The following DGKB variants were observed in gnomAD, a reference collection of about 807,000 sequenced individuals.
DGKB encodes 90 kDa diacylglycerol kinase.
A neutral mutation model predicts 114.3 loss-of-function variants in DGKB; 67 were observed. The observed-to-expected ratio is 0.59, with a 90% CI of 0.48 to 0.72. The LOEUF is 0.72. DGKB is among the 30% of genes least tolerant of loss of function. The pLI is 0.00. For synonymous variants in DGKB, 398 were observed against 323.1 expected, an observed-to-expected ratio of 1.23 and a Z score of -2.49; for missense variants, 907 against 975.2, an observed-to-expected ratio of 0.93 and a Z score of 0.93.
intron 2 of DGKB, among the ~76,000 whole-genome samples, chr7:14,781,191 AC>A (rs1839036251): frequency 6.6e-6 from 1 of 152,194 alleles, no homozygotes; most frequent in Non-Finnish European, 1.5e-5. Context: ...GGGCCGACTA[AC>A]TCACAGCCTT....
chr7:14,751,956 T>G (rs1723235), intron 4 of DGKB, among the ~76,000 whole-genome samples: 53,795 of 151,692 alleles, frequency 0.35, 13,162 homozygotes, highest in African/African-American at 0.69. Context: ...TGGAACACCT[T>G]TTATGTGCAA....
At chr7:14,807,138 T>C (rs1351437787) in intron 2 of DGKB, among the ~76,000 whole-genome samples, 2 of 152,164 alleles carry the variant, frequency 1.3e-5, no homozygotes, top group South Asian at 2.1e-4. Flanking sequence ...TATTTTTCAG[T>C]TAAGTCTATA....
chr7:14,172,078 TGGA>T (rs1781082734), intron 25 of DGKB, among the ~76,000 whole-genome samples: 1 of 152,162 alleles, frequency 6.6e-6, no homozygotes, highest in African/African-American at 2.4e-5. Context: ...GAAGCATTTA[TGGA>T]GGAGGGACAG....
chr7:14,280,573 T>A (rs930496937), intron 23 of DGKB, among the ~76,000 whole-genome samples: 11 of 149,264 alleles, frequency 7.4e-5, no homozygotes, highest in Non-Finnish European at 1.5e-4. Context: ...TTCACCAAAG[T>A]TGAAATGAAG....
intron 14 of DGKB, among the ~76,000 whole-genome samples, chr7:14,629,372 T>A (rs919054149): frequency 6.6e-5 from 10 of 151,568 alleles, no homozygotes; most frequent in African/African-American, 2.2e-4. Context: ...AATGAGAACT[T>A]TTTTTTTAAT....
At chr7:14,698,561 A>G (rs1230474805) in intron 7 of DGKB, among the ~76,000 whole-genome samples, 1 of 152,152 alleles carries the variant, frequency 6.6e-6, no homozygotes, top group African/African-American at 2.4e-5. Flanking sequence ...ATTTGAGGAC[A>G]ACTGAGAAGT....
chr7:14,604,903 C>T (rs1036449347), intron 17 of DGKB, among the ~76,000 whole-genome samples: 3 of 152,108 alleles, frequency 2.0e-5, no homozygotes, highest in Non-Finnish European at 4.4e-5. Context: ...ACTAGGGATG[C>T]AGTGTGGGCA....
At chr7:14,528,420 G>C (rs1161244194) in intron 20 of DGKB, among the ~76,000 whole-genome samples, 1 of 152,026 alleles carries the variant, frequency 6.6e-6, no homozygotes, top group Non-Finnish European at 1.5e-5. Flanking sequence ...GACCATTTAA[G>C]TACATTTAAG....
chr7:14,249,865 G>A (rs1472984218), intron 23 of DGKB, among the ~76,000 whole-genome samples: 1 of 151,714 alleles, frequency 6.6e-6, no homozygotes, highest in East Asian at 1.9e-4. Context: ...CCCTCCTTCT[G>A]CTAATTTTGG....
chr7:14,496,322 T>C (rs1047574195), intron 20 of DGKB, among the ~76,000 whole-genome samples: 15 of 151,730 alleles, frequency 9.9e-5, no homozygotes, highest in African/African-American at 3.6e-4. Context: ...CAGTGGCATA[T>C]TAAAAATATA....
intron 2 of DGKB, among the ~76,000 whole-genome samples, chr7:14,761,845 A>C (rs536457295): frequency 6.6e-6 from 1 of 152,290 alleles, no homozygotes; most frequent in East Asian, 1.9e-4. Context: ...CCCAGTGCTG[A>C]GCAGCCAGGT....
At chr7:14,231,087 C>A (rs1394488565) in intron 23 of DGKB, among the ~76,000 whole-genome samples, 1 of 35,200 alleles carries the variant, frequency 2.8e-5, no homozygotes, top group Non-Finnish European at 5.3e-5. Flanking sequence ...CTTTCCCTTT[C>A]TTTCTTTCTT....
chr7:14,204,343 T>C (rs1322782810), intron 23 of DGKB, among the ~76,000 whole-genome samples: 2 of 151,976 alleles, frequency 1.3e-5, no homozygotes, highest in East Asian at 3.9e-4. Context: ...GCCCAAGGCT[T>C]CAACTGTTCT....
intron 23 of DGKB, among the ~76,000 whole-genome samples, chr7:14,262,284 A>G (rs1352484955): frequency 6.6e-6 from 1 of 152,208 alleles, no homozygotes; most frequent in Non-Finnish European, 1.5e-5. Flanking sequence ...CTCAAAATTC[A>G]TATGTTAAAT....
chr7:14,468,026 A>T (rs958423581), intron 21 of DGKB, among the ~76,000 whole-genome samples: 3 of 152,164 alleles, frequency 2.0e-5, no homozygotes, highest in Middle Eastern at 3.2e-3. Context: ...CTATTCCAGA[A>T]GAATCAAAAA....
intron 1 of DGKB, among the ~76,000 whole-genome samples, chr7:14,962,509 G>A (rs1786905978): frequency 6.6e-6 from 1 of 151,988 alleles, no homozygotes. Flanking sequence ...GATCCTGATA[G>A]GTCAAATTTT....
intron 23 of DGKB, among the ~76,000 whole-genome samples, chr7:14,213,841 T>C (rs1245187411): frequency 1.3e-5 from 2 of 152,202 alleles, no homozygotes; most frequent in Non-Finnish European, 2.9e-5. Context: ...AATATCAGCT[T>C]CTTCACATTA....
chr7:14,883,604 C>G (rs930036295), intron 1 of DGKB, among the ~76,000 whole-genome samples: 1 of 151,928 alleles, frequency 6.6e-6, no homozygotes, highest in Non-Finnish European at 1.5e-5. Flanking sequence ...AGTGTACACT[C>G]AGAGCCATGT....
At chr7:14,313,355 G>A (rs1160820229) in intron 23 of DGKB, among the ~76,000 whole-genome samples, 4 of 152,110 alleles carry the variant, frequency 2.6e-5, no homozygotes, top group African/African-American at 7.2e-5. Context: ...AATTCCATCT[G>A]AGGTACCGGG....
Sources: allele counts gnomAD v4.1 joint callset (sites outside exome capture counted in the v4.1 genomes callset), GRCh38; gene constraint gnomAD v4.1.1; transcripts MANE v1.5; gene names NCBI Gene and HGNC (gene_info 2026-07-23, HGNC 2026-07-21).